Variants in GNAI2 observed in about 807,000 individuals in gnomAD.
GNAI2 encodes guanine nucleotide-binding protein G(i) subunit alpha-2.
GNAI2 carries 4 observed loss-of-function variants against 36.8 expected under a neutral mutation model. That is an observed-to-expected ratio of 0.11 (90% CI 0.05 to 0.25). The LOEUF is 0.25. GNAI2 is among the 10% of genes least tolerant of loss of function. The pLI is 1.00. For synonymous variants in GNAI2, 194 were observed against 194.1 expected, an observed-to-expected ratio of 1.00 and a Z score of 0.01; for missense variants, 230 against 481.3, an observed-to-expected ratio of 0.48 and a Z score of 4.89.
intron 1 of GNAI2, among the ~76,000 whole-genome samples, chr3:50,246,713 C>G (rs1700433022): frequency 6.6e-6 from 1 of 152,276 alleles, no homozygotes; most frequent in Non-Finnish European, 1.5e-5. Context: ...CACGTGTTCC[C>G]ACGGAGCCCA....
rs1700325360 is a variant in GNAI2, at chr3:50,242,776, A to C, written c.118+6323A>C. Among the ~76,000 whole-genome samples, 1 of 152,222 alleles carries C rather than the reference A, an allele frequency of 6.6e-6. No homozygotes were observed. Among genetic ancestry groups the C allele is most frequent in the African/African-American group, 2.4e-5 (1 of 41,454 alleles). On this transcript the variant is annotated intron_variant, in intron 1 of 8. Transcript: ENST00000313601. This position sits in a 1 kb window ranked among gnomAD's most constrained non-coding sequence, Gnocchi z 4.8. ...GGCAGCACCACACCAGTCTGAGCAA[A>C]GGCCTAAAGGTGGGGTCATCTCAGC...
At chr3:50,227,178 TG>T, upstream of GNAI2, 1 of 1,446,258 alleles carries the variant, frequency 6.9e-7, no homozygotes, top group Admixed American at 2.5e-5. This position sits in a 1 kb window ranked among gnomAD's most constrained non-coding sequence, Gnocchi z 5.9. Context: ...CGGGTGTCAC[TG>T]GGGACGTTCT....
Position 50,257,074 on chromosome 3 carries a change from C to T in GNAI2, c.861C>T (p.Cys287=), listed in dbSNP as rs782365778. The T allele has an allele frequency of 5.1e-5, 82 of 1,613,874 alleles. No homozygotes were observed. In the South Asian group the frequency reaches 9.0e-4, roughly 18 times the overall value. The change falls in exon 7 of 9, where the codon TGC becomes TGT. Residue 287 remains cysteine (C), a synonymous_variant. Transcript: ENST00000313601. ...EKITHSPLTI[C]FPEYTGANKY... is the part of the protein sequence containing the mutation. The stretch of plus-strand genomic sequence containing the variant: ...TCACACACAGTCCCCTGACCATCTG[C>T]TTCCCTGAGTACACAGGTGTGGGGA...
At position 50,257,878 on chromosome 3, in the gene GNAI2, CAAGT is replaced by C. The variant is rs1203046541; in HGVS notation, c.*24+165_*24+168del. On this transcript the variant is annotated intron_variant, in intron 8 of 8. Transcript: ENST00000313601. ...AGGCCCAGGGTGTGAATCAGGAGGT[CAAGT>C]GAGTGAGGTGCAGGGCATGGAGGAG... 9.6e-5 allele frequency: 52 copies of C among 544,014 alleles called. 1 individual carries two copies. The Admixed American group carries it at 1.8e-3, about 18-fold the overall frequency. 33.7% of individuals were successfully genotyped at this position (544,014 alleles called of 1,614,324 possible). A position where few individuals can be genotyped will look rare whatever the true frequency, so the allele number is the denominator to read the frequency against.
intron 1 of GNAI2, among the ~76,000 whole-genome samples, chr3:50,250,777 G>A (rs1177117053): frequency 6.6e-6 from 1 of 151,498 alleles, no homozygotes; most frequent in Non-Finnish European, 1.5e-5. Context: ...TCAAGATCTG[G>A]CTCTGTTGTC....
chr3:50,233,939 A>G, upstream of GNAI2, among the ~76,000 whole-genome samples: 1 of 130,778 alleles, frequency 7.6e-6, no homozygotes, highest in East Asian at 2.2e-4. Flanking sequence ...TCTGTTGCCC[A>G]GGGTAGAGTG....
At chr3:50,231,055 G>GA in intron 1 of GNAI2, 2 of 530,258 alleles carry the variant, frequency 3.8e-6, no homozygotes, top group Non-Finnish European at 4.8e-6. Flanking sequence ...CCAGACCCCT[G>GA]CCTCTCAGAC....
At chr3:50,231,397 G>A (rs1189056996), upstream of GNAI2, among the ~76,000 whole-genome samples, 3 of 152,202 alleles carry the variant, frequency 2.0e-5, no homozygotes, top group Non-Finnish European at 4.4e-5. Flanking sequence ...TCCTGCCTCA[G>A]CCTCGCAAGT....
At chr3:50,249,117 A>G (rs2109203683) in intron 1 of GNAI2, among the ~76,000 whole-genome samples, 1 of 152,300 alleles carries the variant, frequency 6.6e-6, no homozygotes, top group Admixed American at 6.5e-5. Context: ...CTTTCACCCT[A>G]GACCTCAGGT....
chr3:50,248,826 G>T (rs1384687960), intron 1 of GNAI2, among the ~76,000 whole-genome samples: 3 of 152,124 alleles, frequency 2.0e-5, no homozygotes, highest in African/African-American at 7.2e-5. Context: ...AAGGGGACAG[G>T]GAAGTGGGCC....
chr3:50,250,388 TACCCACCCA>T, intron 1 of GNAI2, among the ~76,000 whole-genome samples: 1 of 152,272 alleles, frequency 6.6e-6, no homozygotes, highest in South Asian at 2.1e-4. Flanking sequence ...CAGACCTTAC[TACCCACCCA>T]GCTAAGCTGC....
intron 1 of GNAI2, among the ~76,000 whole-genome samples, chr3:50,245,730 C>T (rs1421787036): frequency 6.6e-6 from 1 of 152,242 alleles, no homozygotes; most frequent in East Asian, 1.9e-4. Context: ...GCCTGAGTTT[C>T]CCTCTGTGCA....
At chr3:50,257,791 T>TTGGGGGGGG in intron 8 of GNAI2, 77 bp downstream of exon 8, 3 of 99,320 alleles carry the variant, frequency 3.0e-5, no homozygotes, top group Non-Finnish European at 5.0e-5. Context: ...GTTCTGGGGG[T>TTGGGGGGGG]GGGTAGGGGG....
rs1700309318 is a variant in GNAI2 at position 50,241,984 on chromosome 3, C to T, written c.118+5531C>T. Reference sequence around the variant, plus strand: ...CCCAGCAAGGTCCCTAGGCCTCCAGCACTGCAGGGGGTGGGGCAGTAGGTG... The same window carrying T: ...CCCAGCAAGGTCCCTAGGCCTCCAGTACTGCAGGGGGTGGGGCAGTAGGTG... On this transcript the variant is annotated intron_variant, in intron 1 of 8. Transcript: ENST00000313601. This position sits in a 1 kb window ranked among gnomAD's most constrained non-coding sequence, Gnocchi z 5.0. Among the ~76,000 whole-genome samples the T allele has an allele frequency of 6.6e-6, 1 of 152,140 alleles. No individual in the cohort carries two copies. Among genetic ancestry groups the T allele is most frequent in the Non-Finnish European group, 1.5e-5 (1 of 68,010 alleles).
At chr3:50,251,383 G>A (rs1284482290) in intron 1 of GNAI2, 2 of 1,014,048 alleles carry the variant, frequency 2.0e-6, no homozygotes, top group Admixed American at 5.7e-5. Context: ...GGCCAGGGCT[G>A]TACCAGGCCA....
chr3:50,256,957 G>C lies in GNAI2; in HGVS notation c.744G>C (p.Met248Ile), dbSNP rs782454651. 6.2e-7 allele frequency: 1 copy of C among 1,614,166 alleles called. No homozygotes were observed. The highest frequency in any genetic ancestry group is 8.5e-7 in the Non-Finnish European group (1 of 1,180,016). ...CCCAGAACCGCATGCATGAGAGCAT[G>C]AAGCTATTCGATAGCATCTGCAACA... ...DEEMNRMHES[M>I]KLFDSICNNK... is the part of the protein sequence containing the mutation. Residue 248 changes from methionine (M) to isoleucine (I), a missense_variant, in exon 7 of 9, where the codon ATG becomes ATC. Transcript: ENST00000313601.
chr3:50,240,452 C>T (rs1392941558), intron 1 of GNAI2, among the ~76,000 whole-genome samples: 3 of 152,200 alleles, frequency 2.0e-5, no homozygotes, highest in African/African-American at 7.2e-5. Context: ...CCCATGGGGT[C>T]ATCCAGACCT....
chr3:50,254,373 C>T (rs1441687079), intron 4 of GNAI2, among the ~76,000 whole-genome samples: 1 of 152,156 alleles, frequency 6.6e-6, no homozygotes, highest in Non-Finnish European at 1.5e-5. Flanking sequence ...ACTGGAACAC[C>T]CTTTTGCTCC....
upstream of GNAI2, chr3:50,227,228 G>A (rs1699990827): frequency 7.7e-7 from 1 of 1,296,656 alleles, no homozygotes; most frequent in Non-Finnish European, 1.0e-6. The surrounding 1 kb of genome is among the most constrained non-coding windows in gnomAD (Gnocchi z 5.9). Flanking sequence ...AGGAGACCCT[G>A]GCGAGGTGGG....
Sources: gnomAD v4.1 joint callset for allele counts (sites outside exome capture counted in the v4.1 genomes callset) on GRCh38, gnomAD v4.1.1 for gene constraint, Gnocchi (gnomAD v3.1) non-coding constraint, MANE v1.5 for transcripts, NCBI Gene and HGNC (gene_info 2026-07-23, HGNC 2026-07-21) for gene names.